The following STS variants were observed in gnomAD, a reference collection of about 807,000 sequenced individuals.
STS encodes steroid sulfatase, also known as steryl-sulfatase.
In STS, 7 loss-of-function variants were observed where a neutral mutation model predicts 26.8. The ratio of observed to expected loss-of-function variants is 0.26; its 90% CI spans 0.15 to 0.49. The LOEUF (loss-of-function observed/expected upper bound fraction) is 0.49, where lower values mean the gene tolerates loss of function less well. Among genes scored for constraint, STS ranks in the 20% least tolerant of loss-of-function variants. The pLI is 0.98. For synonymous variants in STS, 199 were observed against 189.4 expected (o/e 1.05, Z -0.42); for missense variants, 434 against 465.6 (o/e 0.93, Z 0.63).
chrX:7,150,242 G>A (rs1315967469), intron 1 of STS, among the ~76,000 whole-genome samples: 1 of 111,180 alleles, frequency 9.0e-6, no homozygotes, highest in Non-Finnish European at 1.9e-5. Context: ...TCTTTTATGA[G>A]ACAGAGTCTC....
At chrX:7,283,767 G>A (rs1435850263) in intron 7 of STS, among the ~76,000 whole-genome samples, 19 of 111,596 alleles carry the variant, frequency 1.7e-4, no homozygotes, top group Non-Finnish European at 3.0e-4. Context: ...AGATGGTGGT[G>A]GGGGATGAGG....
At chrX:7,152,034 G>C (rs993837932) in intron 1 of STS, among the ~76,000 whole-genome samples, 15 of 110,859 alleles carry the variant, frequency 1.4e-4, no homozygotes, top group Non-Finnish European at 2.8e-4. Context: ...CTCACTGCAA[G>C]CTCCGCCTCT....
rs771208071 is a variant in STS at position 7,350,204 on chromosome X, C to T, written c.1680C>T (p.Ser560=). 1.7e-6 allele frequency: 2 copies of T among 1,211,637 alleles called. No individual in the cohort carries two copies. The highest frequency in any genetic ancestry group is 3.0e-5 in the East Asian group (1 of 33,810). ...CCTGGCTTCAGCTGTGCTGTCCTTCCACCGGCCTGTCTTGCCAGTGTGATA... is the reference window on the plus strand; with the variant it reads ...CCTGGCTTCAGCTGTGCTGTCCTTCTACCGGCCTGTCTTGCCAGTGTGATA... ...WKPWLQLCCP[S]TGLSCQCDRE... is the part of the protein sequence containing the mutation. The change falls in exon 11 of 11, where the codon TCC becomes TCT. Residue 560 remains serine (S), a synonymous_variant. Transcript: ENST00000674429.
At position 7,354,610 on chromosome X, in the gene STS, T is replaced by C. The variant is rs1219485637; in HGVS notation, c.*4349T>C. The stretch of plus-strand genomic sequence containing the variant: ...TGCTTAATACCATCTCTTTGTGTAA[T>C]AGATCTGAATAAAGTAATTGTAATA... On this transcript the variant is annotated 3_prime_UTR_variant, in exon 11 of 11. Transcript: ENST00000674429. The C allele has an allele frequency of 1.8e-5, 2 of 111,760 alleles. No homozygotes were observed. Among genetic ancestry groups the C allele is most frequent in the Non-Finnish European group, 3.8e-5 (2 of 53,235 alleles). The allele number at this position is 111,760 out of a possible 1,213,427, so 9.2% of individuals were successfully genotyped here. A position where few individuals can be genotyped will look rare whatever the true frequency, so the allele number is the denominator to read the frequency against.
chrX:7,266,621 G>A (rs1569207042), intron 6 of STS, among the ~76,000 whole-genome samples: 1 of 112,023 alleles, frequency 8.9e-6, no homozygotes, highest in Admixed American at 9.5e-5. Flanking sequence ...AGTAATTCAG[G>A]AGATGGGTCA....
intron 8 of STS, among the ~76,000 whole-genome samples, chrX:7,323,485 C>T (rs1411863646): frequency 9.0e-6 from 1 of 111,550 alleles, no homozygotes; most frequent in Non-Finnish European, 1.9e-5. Flanking sequence ...GTTTGATTTT[C>T]TGTTCCTGCA....
At chrX:7,333,965 G>A in intron 9 of STS, 21 bp from the exon 10 acceptor site, 8 of 1,211,191 alleles carry the variant, frequency 6.6e-6, no homozygotes, top group Non-Finnish European at 8.9e-6. Flanking sequence ...ACGTCTTGAT[G>A]CCTGGCTGTT....
chrX:7,172,515 G>A (rs771265904), intron 1 of STS, among the ~76,000 whole-genome samples: 3 of 111,275 alleles, frequency 2.7e-5, no homozygotes, highest in African/African-American at 6.5e-5. Flanking sequence ...AACACCTGTC[G>A]TTGCTTGTGT....
chrX:7,206,255 G>C (rs186153501), intron 2 of STS, among the ~76,000 whole-genome samples: 2 of 112,119 alleles, frequency 1.8e-5, no homozygotes, highest in East Asian at 5.7e-4. Flanking sequence ...ATTGGGACCT[G>C]GTTATGATAT....
Position 7,319,927 on chromosome X carries a change from T to TTA in STS, c.1082-5400_1082-5399dup, listed in dbSNP as rs1263083743. 1.1e-4 allele frequency among the ~76,000 whole-genome samples: 11 copies of TTA among 97,432 alleles called. No homozygotes were observed. In the East Asian group the frequency reaches 1.5e-3, roughly 13 times the overall value. The allele number at this position is 97,432 out of a possible 115,157, so 84.6% of individuals were successfully genotyped here. On this transcript the variant is annotated intron_variant, in intron 8 of 10. Transcript: ENST00000674429. ...CTCAGCCTCAGATTGTGCAACTATT[T>TTA]TATATATATATATTTTTATATGTAT... is the stretch of plus-strand genomic sequence containing the variant.
intron 1 of STS, among the ~76,000 whole-genome samples, chrX:7,173,475 CA>C (rs1465498702): frequency 8.9e-6 from 1 of 111,756 alleles, no homozygotes; most frequent in Non-Finnish European, 1.9e-5. Context: ...ATTGCTGGGT[CA>C]AATGGTATTT....
chrX:7,273,808 C>T (rs1211732248), intron 6 of STS, among the ~76,000 whole-genome samples: 1 of 111,426 alleles, frequency 9.0e-6, no homozygotes, highest in African/African-American at 3.3e-5. Flanking sequence ...ATTCCTGCCC[C>T]CATCCATGCA....
chrX:7,307,008 C>A (rs1002096118), intron 8 of STS, among the ~76,000 whole-genome samples: 1 of 111,212 alleles, frequency 9.0e-6, no homozygotes, highest in Non-Finnish European at 1.9e-5. Flanking sequence ...ACATCTGGAG[C>A]CCTATGACCG....
intron 1 of STS, among the ~76,000 whole-genome samples, chrX:7,166,719 A>G (rs1933357779): frequency 9.0e-6 from 1 of 111,661 alleles, no homozygotes; most frequent in Non-Finnish European, 1.9e-5. Flanking sequence ...GACCCAGTGC[A>G]ACCTTGCTCC....
rs141281583 is a variant in STS at position 7,257,484 on chromosome X, G to A, written c.278G>A (p.Arg93His). ...PVRSGMASWS[R>H]TGVFLFTASS... is the part of the protein sequence containing the mutation. Reference sequence around the variant, plus strand: ...GGTCCAGGAATGGCATCTTGGTCCCGCACTGGAGTTTTCCTCTTCACAGCC... The same window carrying A: ...GGTCCAGGAATGGCATCTTGGTCCCACACTGGAGTTTTCCTCTTCACAGCC... Residue 93 changes from arginine to histidine, a missense_variant, in exon 5 of 11, where the codon CGC (arginine) becomes CAC (histidine). This residue lies in a region of STS where 229 missense variants were observed against 288.3 expected (regional missense o/e 0.79). Transcript: ENST00000674429. The A allele has an allele frequency of 7.4e-5, 89 of 1,210,871 alleles. No homozygotes were observed. The African/African-American group carries it at 1.1e-3, about 15-fold the overall frequency.
chrX:7,245,346 G>A (rs1339769811), intron 2 of STS, among the ~76,000 whole-genome samples: 1 of 111,879 alleles, frequency 8.9e-6, no homozygotes, highest in South Asian at 3.7e-4. Flanking sequence ...AATAGTGCAT[G>A]GCCCTGCTTA....
At chrX:7,290,660 G>A (rs1340241215) in intron 7 of STS, among the ~76,000 whole-genome samples, 4 of 111,841 alleles carry the variant, frequency 3.6e-5, no homozygotes, top group South Asian at 7.5e-4. Flanking sequence ...GCATATTGAT[G>A]GCAGCAGCGG....
intron 7 of STS, among the ~76,000 whole-genome samples, chrX:7,303,171 G>T (rs1053360723): frequency 1.2e-4 from 13 of 110,878 alleles, no homozygotes; most frequent in Non-Finnish European, 1.1e-4. Context: ...TAATAAATAG[G>T]TTTCGCGAGA....
At chrX:7,168,423 A>T (rs1043021906) in intron 1 of STS, among the ~76,000 whole-genome samples, 4 of 111,957 alleles carry the variant, frequency 3.6e-5, no homozygotes, top group African/African-American at 1.3e-4. Context: ...AATCCCCTAC[A>T]TAATTGAATA....
Sources: gnomAD v4.1 joint callset for allele counts (sites outside exome capture counted in the v4.1 genomes callset) on GRCh38, gnomAD v4.1.1 for gene constraint, gnomAD v4.1.1 regional missense constraint, MANE v1.5 for transcripts, NCBI Gene and HGNC (gene_info 2026-07-23, HGNC 2026-07-21) for gene names.